THSD7B: variants seen among roughly 807,000 people sequenced by gnomAD.
THSD7B encodes thrombospondin type 1 domain containing 7B.
Under a neutral mutation model 213.6 loss-of-function variants are expected in THSD7B, and 138 were observed. The observed-to-expected ratio is 0.65, with a 90% confidence interval of 0.56 to 0.74. The LOEUF is 0.74. Ranked by LOEUF, THSD7B falls within the 30% of genes least tolerant of loss-of-function variation. The pLI, the probability that THSD7B is intolerant of heterozygous loss-of-function variation, is 0.00. For synonymous variants in THSD7B, 742 were observed against 687.0 expected, an observed-to-expected ratio of 1.08 and a Z score of -1.25; for missense variants, 1,931 against 1,991.5, an observed-to-expected ratio of 0.97 and a Z score of 0.58.
intron 7 of THSD7B, among the ~76,000 whole-genome samples, chr2:137,186,665 C>G (rs918885439): frequency 6.6e-6 from 1 of 151,974 alleles, no homozygotes; most frequent in African/African-American, 2.4e-5. Flanking sequence ...AATTTGTTCT[C>G]TTTGCTTAGG....
chr2:137,438,346 C>T (rs1252225332), intron 14 of THSD7B, among the ~76,000 whole-genome samples: 1 of 152,238 alleles, frequency 6.6e-6, no homozygotes, highest in African/African-American at 2.4e-5. Context: ...GTGGTCAATA[C>T]CGTTTAATGC....
In THSD7B at chr2:137,006,828, G is replaced by A. The variant is rs138528870; in HGVS notation, c.140-49592G>A. ...TTTTACATTTTCTTTGATATTTTCT[G>A]TAGCCATACAGTTTTAAAAGATTTC... On this transcript the variant is annotated intron_variant, in intron 2 of 27. Transcript: ENST00000409968. 8.1e-4 allele frequency among the ~76,000 whole-genome samples: 123 copies of A among 152,186 alleles called. 2 individuals are homozygous for A. Among genetic ancestry groups the A allele is most frequent in the African/African-American group, 2.9e-3 (122 of 41,542 alleles).
intron 10 of THSD7B, among the ~76,000 whole-genome samples, chr2:137,243,603 G>T (rs1340423157): frequency 6.6e-6 from 1 of 152,216 alleles, no homozygotes. Context: ...TTCCAGCTGT[G>T]TGCGTCTAAG....
chr2:137,422,966 C>T (rs143876103), intron 14 of THSD7B, among the ~76,000 whole-genome samples: 1 of 152,052 alleles, frequency 6.6e-6, no homozygotes, highest in African/African-American at 2.4e-5. Context: ...TGTTTTGACC[C>T]TTCTCAGAGA....
intron 2 of THSD7B, among the ~76,000 whole-genome samples, chr2:137,046,911 G>T (rs536874869): frequency 6.6e-6 from 1 of 151,976 alleles, no homozygotes; most frequent in African/African-American, 2.4e-5. Context: ...GATCAAGCAG[G>T]CACTTGTATG....
At chr2:136,805,019 C>T (rs1682257567) in intron 1 of THSD7B, among the ~76,000 whole-genome samples, 1 of 152,202 alleles carries the variant, frequency 6.6e-6, no homozygotes, top group Non-Finnish European at 1.5e-5. Flanking sequence ...ATGATGTTCA[C>T]ATAGCAGGCT....
At chr2:137,205,774 T>A (rs1341382531) in intron 7 of THSD7B, among the ~76,000 whole-genome samples, 1 of 152,046 alleles carries the variant, frequency 6.6e-6, no homozygotes, top group East Asian at 1.9e-4. Context: ...TTTAACATCA[T>A]GTGAGTCTTA....
At chr2:137,506,815 C>A (rs184573253) in intron 15 of THSD7B, among the ~76,000 whole-genome samples, 1 of 152,182 alleles carries the variant, frequency 6.6e-6, no homozygotes, top group African/African-American at 2.4e-5. Flanking sequence ...ATGACCCAGC[C>A]TCCGGGCTCA....
At chr2:136,895,916 C>A (rs1372039215) in intron 2 of THSD7B, among the ~76,000 whole-genome samples, 2 of 152,104 alleles carry the variant, frequency 1.3e-5, no homozygotes, top group Non-Finnish European at 2.9e-5. Flanking sequence ...TTTGTGGTTG[C>A]TCTATATTAT....
chr2:137,511,633 T>C (rs1679962728), intron 15 of THSD7B, among the ~76,000 whole-genome samples: 1 of 152,148 alleles, frequency 6.6e-6, no homozygotes, highest in Non-Finnish European at 1.5e-5. Flanking sequence ...GCTAACCTCT[T>C]ACTTACTGGG....
intron 10 of THSD7B, among the ~76,000 whole-genome samples, chr2:137,262,107 C>G (rs919628982): frequency 2.6e-5 from 4 of 152,138 alleles, no homozygotes; most frequent in African/African-American, 9.7e-5. Context: ...GCTAGCTTCT[C>G]TCTCAAGCTG....
chr2:137,089,796 G>A (rs1040024791), intron 3 of THSD7B, among the ~76,000 whole-genome samples: 2 of 152,090 alleles, frequency 1.3e-5, no homozygotes, highest in African/African-American at 4.8e-5. Context: ...ATCACCTGAG[G>A]TCAGGAATTT....
chr2:136,821,862 C>G (rs1682569195), intron 1 of THSD7B, among the ~76,000 whole-genome samples: 1 of 152,202 alleles, frequency 6.6e-6, no homozygotes, highest in Non-Finnish European at 1.5e-5. Context: ...TCTCCTTGCT[C>G]TGTTGCAAAC....
intron 5 of THSD7B, among the ~76,000 whole-genome samples, chr2:137,158,354 A>G (rs56046738): frequency 0.016 from 2,497 of 152,122 alleles, 28 homozygotes; most frequent in African/African-American, 0.032. Flanking sequence ...TCTTTGTTTG[A>G]TTGCCACCTC....
intron 1 of THSD7B, among the ~76,000 whole-genome samples, chr2:136,801,123 C>A (rs1466327571): frequency 6.6e-6 from 1 of 151,974 alleles, no homozygotes; most frequent in Non-Finnish European, 1.5e-5. Context: ...TAATTGATCA[C>A]CTGGAAGACA....
At chr2:137,599,234 T>C (rs1055656721) in intron 17 of THSD7B, among the ~76,000 whole-genome samples, 2 of 151,838 alleles carry the variant, frequency 1.3e-5, no homozygotes, top group African/African-American at 2.4e-5. Context: ...TATGGCTGCA[T>C]AGTATTCCAT....
At chr2:137,449,057 G>C (rs1224756707) in intron 14 of THSD7B, among the ~76,000 whole-genome samples, 1 of 152,090 alleles carries the variant, frequency 6.6e-6, no homozygotes, top group African/African-American at 2.4e-5. Flanking sequence ...CAAAAAAGGA[G>C]TAATAAAAGT....
At position 137,286,587 on chromosome 2, in the gene THSD7B, G is replaced by A. The variant is rs768499901; in HGVS notation, c.2500+10561G>A. 6.4e-4 allele frequency among the ~76,000 whole-genome samples: 97 copies of A among 151,498 alleles called. 1 individual carries two copies. The highest frequency in any genetic ancestry group is 2.5e-4 in the Non-Finnish European group (17 of 68,030). On this transcript the variant is annotated intron_variant, in intron 12 of 27. Coordinates refer to ENST00000409968, the MANE Select transcript of THSD7B (RefSeq NM_001316349.2). ...CCGTAGCCATCTACCTACATCAGAAGCAAAAAGTCATTTCAGTTCATTCAG... is the reference window on the plus strand; with the variant it reads ...CCGTAGCCATCTACCTACATCAGAAACAAAAAGTCATTTCAGTTCATTCAG...
At chr2:136,783,876 A>G (rs567964903) in intron 1 of THSD7B, among the ~76,000 whole-genome samples, 9 of 152,214 alleles carry the variant, frequency 5.9e-5, no homozygotes, top group Admixed American at 3.3e-4. Flanking sequence ...CCTGTGAATC[A>G]GTTTGTGAGA....
Sources: allele counts gnomAD v4.1 joint callset (sites outside exome capture counted in the v4.1 genomes callset), GRCh38; gene constraint gnomAD v4.1.1; transcripts MANE v1.5; gene names NCBI Gene and HGNC (gene_info 2026-07-23, HGNC 2026-07-21).